Variants in CACNB4 observed in about 807,000 individuals in gnomAD.
CACNB4 encodes the protein voltage-dependent L-type calcium channel subunit beta-4.
Under a neutral mutation model 71.2 loss-of-function variants are expected in CACNB4, and 32 were observed. The observed-to-expected ratio is 0.45, with a 90% CI of 0.34 to 0.60. The LOEUF is 0.60. Ranked by LOEUF, CACNB4 falls within the 20% of genes least tolerant of loss-of-function variation. The pLI, the probability that CACNB4 is intolerant of heterozygous loss-of-function variation, is 0.01. For synonymous variants in CACNB4, 231 were observed against 236.9 expected (o/e 0.97, Z 0.23); for missense variants, 464 against 647.9 (o/e 0.72, Z 3.08).
intron 2 of CACNB4, among the ~76,000 whole-genome samples, chr2:152,051,843 C>A (rs1223164654): frequency 6.6e-6 from 1 of 152,238 alleles, no homozygotes; most frequent in African/African-American, 2.4e-5. Flanking sequence ...CAATCACTAA[C>A]CGTTCTGTCT....
In CACNB4 at chr2:152,098,227, T is replaced by C; in HGVS notation, c.147+103A>G. On this transcript the variant is annotated intron_variant, in intron 2 of 13. Coordinates refer to ENST00000539935, the MANE Select transcript of CACNB4 (RefSeq NM_000726.5). This position sits in a 1 kb window ranked among gnomAD's most constrained non-coding sequence, Gnocchi z 5.3. ...AGGCCGGGAAGAGACGCGCGCGGGC[T>C]TGACCCGCAGCTCCCGCACGTGTGG... 1.1e-6 allele frequency: 1 copy of C among 880,680 alleles called. No individual in the cohort carries two copies. The highest frequency in any genetic ancestry group is 1.5e-5 in the South Asian group (1 of 68,484). The allele number at this position is 880,680 out of a possible 1,614,324, so 54.6% of individuals were successfully genotyped here. A position where few individuals can be genotyped will look rare whatever the true frequency, so the allele number is the denominator to read the frequency against.
intron 2 of CACNB4, among the ~76,000 whole-genome samples, chr2:152,041,980 T>C (rs1013386375): frequency 1.3e-5 from 2 of 152,152 alleles, no homozygotes; most frequent in African/African-American, 4.8e-5. Context: ...AGGTGTTCAA[T>C]AAATAGTTGA....
intron 12 of CACNB4, among the ~76,000 whole-genome samples, chr2:151,847,722 T>A (rs1175497367): frequency 6.6e-6 from 1 of 152,014 alleles, no homozygotes; most frequent in Non-Finnish European, 1.5e-5. Flanking sequence ...AAATCTCTTT[T>A]AAAAAATACA....
At chr2:152,008,163 T>C (rs1381461150) in intron 2 of CACNB4, among the ~76,000 whole-genome samples, 8 of 152,176 alleles carry the variant, frequency 5.3e-5, no homozygotes, top group Admixed American at 2.6e-4. Context: ...GAGTTCCCAT[T>C]TCTCCACATG....
chr2:151,852,077 G>C (rs2099839192), intron 12 of CACNB4: 1 of 152,176 alleles, frequency 6.6e-6, no homozygotes, highest in African/African-American at 2.4e-5. Context: ...TGGGTGGATG[G>C]GTTAGGGGGT....
In CACNB4 at chr2:151,833,009, C is replaced by T. The variant is rs914915464; in HGVS notation, c.*6110G>A. 13 of 151,778 alleles carry T rather than the reference C, an allele frequency of 8.6e-5. No homozygotes were observed. Among genetic ancestry groups the T allele is most frequent in the African/African-American group, 3.1e-4 (13 of 41,390 alleles). 9.4% of individuals were successfully genotyped at this position (151,778 alleles called of 1,614,324 possible). A position where few individuals can be genotyped will look rare whatever the true frequency, so the allele number is the denominator to read the frequency against. The stretch of plus-strand genomic sequence containing the variant: ...TACACATTTGCATAGTATATTTTAC[C>T]CAGCATGCCTTGTAGAATGCTACAC... On this transcript the variant is annotated 3_prime_UTR_variant, in exon 14 of 14. Coordinates refer to ENST00000539935, the MANE Select transcript of CACNB4 (RefSeq NM_000726.5).
chr2:151,918,703 C>T (rs1194664588), intron 2 of CACNB4, among the ~76,000 whole-genome samples: 1 of 152,136 alleles, frequency 6.6e-6, no homozygotes, highest in Non-Finnish European at 1.5e-5. Context: ...GGATTGTGTG[C>T]GTACTGCTAC....
chr2:152,079,701 G>T (rs996371182), intron 2 of CACNB4, among the ~76,000 whole-genome samples: 1 of 152,100 alleles, frequency 6.6e-6, no homozygotes, highest in Non-Finnish European at 1.5e-5. Flanking sequence ...TGGAAGGATC[G>T]CTTGAGCCCA....
At chr2:151,864,057 C>CT (rs1008065782) in intron 9 of CACNB4, among the ~76,000 whole-genome samples, 10 of 152,150 alleles carry the variant, frequency 6.6e-5, no homozygotes, top group Non-Finnish European at 1.0e-4. Context: ...AGCTTATATA[C>CT]TTTTTTTAAC....
At chr2:151,868,771 G>GACACACAC (rs58785929) in intron 9 of CACNB4, 2 of 148,538 alleles carry the variant, frequency 1.3e-5, no homozygotes, top group African/African-American at 4.9e-5. Context: ...GCTTTCATAT[G>GACACACAC]ACACACACAC....
chr2:152,050,647 T>A (rs1685376193), intron 2 of CACNB4, among the ~76,000 whole-genome samples: 1 of 152,112 alleles, frequency 6.6e-6, no homozygotes, highest in Non-Finnish European at 1.5e-5. Context: ...CCCCTGAAGC[T>A]TGAGGCTGCA....
At chr2:151,986,413 A>G (rs958834630) in intron 2 of CACNB4, among the ~76,000 whole-genome samples, 2 of 152,182 alleles carry the variant, frequency 1.3e-5, no homozygotes, top group African/African-American at 2.4e-5. Flanking sequence ...ATAAGTGTTC[A>G]TATTATTTAC....
At chr2:151,973,852 G>T (rs2099873262) in intron 2 of CACNB4, 1 of 1,481,294 alleles carries the variant, frequency 6.8e-7, no homozygotes, top group Non-Finnish European at 9.0e-7. Context: ...TACCAGGCAA[G>T]ATGCTATTCA....
intron 2 of CACNB4, among the ~76,000 whole-genome samples, chr2:151,950,081 G>A (rs2099866548): frequency 6.6e-6 from 1 of 151,620 alleles, no homozygotes; most frequent in Non-Finnish European, 1.5e-5. Flanking sequence ...ATAGAAAATA[G>A]TCTTCTGAGA....
chr2:151,960,913 T>C (rs1239728966), intron 2 of CACNB4, among the ~76,000 whole-genome samples: 1 of 152,194 alleles, frequency 6.6e-6, no homozygotes, highest in African/African-American at 2.4e-5. Context: ...ATCATACATG[T>C]AGATCAATGG....
intron 2 of CACNB4, among the ~76,000 whole-genome samples, chr2:151,924,166 C>G (rs1163038634): frequency 6.7e-6 from 1 of 148,832 alleles, no homozygotes; most frequent in Non-Finnish European, 1.5e-5. Context: ...GCTAGCTCCA[C>G]CTCCCGGGTT....
intron 2 of CACNB4, among the ~76,000 whole-genome samples, chr2:152,066,728 A>G (rs988265166): frequency 6.7e-6 from 1 of 148,260 alleles, no homozygotes; most frequent in Non-Finnish European, 1.5e-5. Flanking sequence ...GCAATAGCAA[A>G]GACTTGGAAC....
chr2:151,954,978 C>T (rs1400922637), intron 2 of CACNB4, among the ~76,000 whole-genome samples: 12 of 151,318 alleles, frequency 7.9e-5, no homozygotes, highest in Admixed American at 2.6e-4. Flanking sequence ...CTCAGCCTCC[C>T]GAGTAGCTGG....
chr2:151,966,153 T>C (rs1036656077), intron 2 of CACNB4, among the ~76,000 whole-genome samples: 6 of 152,230 alleles, frequency 3.9e-5, no homozygotes, highest in African/African-American at 1.4e-4. Context: ...AATGTCTTCA[T>C]TTTATACGAG....
Sources: gnomAD v4.1 joint callset for allele counts (sites outside exome capture counted in the v4.1 genomes callset) on GRCh38, gnomAD v4.1.1 for gene constraint, Gnocchi (gnomAD v3.1) non-coding constraint, MANE v1.5 for transcripts, NCBI Gene and HGNC (gene_info 2026-07-23, HGNC 2026-07-21) for gene names.